Variants in SLC12A7 observed in about 807,000 individuals in gnomAD.
The protein encoded by SLC12A7 is solute carrier family 12 member 7.
A neutral mutation model predicts 120.6 loss-of-function variants in SLC12A7; 100 were observed. The observed-to-expected ratio is 0.83, with a 90% CI of 0.71 to 0.98. The LOEUF (loss-of-function observed/expected upper bound fraction) is 0.98. Ranked by LOEUF, SLC12A7 falls within the 50% of genes least tolerant of loss-of-function variation. The probability of loss-of-function intolerance (pLI) is 0.00; values close to 1 mark genes in which losing one functional copy is unlikely to be tolerated. For missense variants in SLC12A7, 1,373 were observed against 1,548.1 expected, an observed-to-expected ratio of 0.89 and a Z score of 1.90; for synonymous variants, 760 against 678.0, an observed-to-expected ratio of 1.12 and a Z score of -1.88.
Position 1,076,130 on chromosome 5 carries a change from G to T in SLC12A7, c.1847+8C>A, listed in dbSNP as rs11951420. The T allele has an allele frequency of 2.9e-5, 47 of 1,604,150 alleles. No homozygotes were observed. The South Asian group carries it at 5.2e-4, about 18-fold the overall frequency. On this transcript the variant is annotated splice_region_variant and intron_variant, in intron 14 of 23. Coordinates refer to ENST00000264930, the MANE Select transcript of SLC12A7 (RefSeq NM_006598.3). ...GGGGCTCCTCACGCCCGTGCTGAGT[G>T]GCCTCACCAGTGGTAGAACTTGAAG...
chr5:1,066,886 C>G (rs936973162), intron 17 of SLC12A7, among the ~76,000 whole-genome samples: 6 of 152,174 alleles, frequency 3.9e-5, no homozygotes, highest in Non-Finnish European at 1.5e-5. Flanking sequence ...AGAGAACAGA[C>G]GCCCTTTGCT....
chr5:1,088,078 C>T (rs543687137), intron 5 of SLC12A7, among the ~76,000 whole-genome samples: 296 of 152,290 alleles, frequency 1.9e-3, no homozygotes, highest in South Asian at 5.6e-3. Context: ...ACTGCCTACC[C>T]TGGCAAGAGA....
At chr5:1,106,451 C>CAAA (rs36005053) in intron 1 of SLC12A7, among the ~76,000 whole-genome samples, 5 of 81,832 alleles carry the variant, frequency 6.1e-5, no homozygotes, top group Non-Finnish European at 9.2e-5. Context: ...AACTCTGTCT[C>CAAA]AAAAAAAAAA....
the SLC12A7 span, among the ~76,000 whole-genome samples, chr5:1,130,898 T>C: frequency 2.5e-3 from 387 of 152,016 alleles, 1 homozygote; most frequent in African/African-American, 8.9e-3. Context: ...GCTCAGGGAG[T>C]AAGCCCTGGG....
the SLC12A7 span, among the ~76,000 whole-genome samples, chr5:1,117,162 G>A: frequency 2.3e-4 from 35 of 152,204 alleles, no homozygotes; most frequent in East Asian, 6.2e-3. The surrounding 1 kb of genome is among the most constrained non-coding windows in gnomAD (Gnocchi z 4.5). Context: ...AGCGTACTGC[G>A]AGGGGCCACT....
chr5:1,065,501 G>A, intron 17 of SLC12A7, 23 bp from the exon 18 acceptor site: 1 of 1,541,602 alleles, frequency 6.5e-7, no homozygotes, highest in Non-Finnish European at 8.8e-7. Context: ...GGACAGGTTG[G>A]TGCTACAGCA....
the SLC12A7 span, among the ~76,000 whole-genome samples, chr5:1,134,863 G>A: frequency 6.6e-6 from 1 of 152,196 alleles, no homozygotes; most frequent in Non-Finnish European, 1.5e-5. Context: ...GCCAGGCGCG[G>A]TGGCTCATCC....
At chr5:1,109,434 T>A (rs1742819468) in intron 1 of SLC12A7, among the ~76,000 whole-genome samples, 1 of 152,238 alleles carries the variant, frequency 6.6e-6, no homozygotes, top group Admixed American at 6.5e-5. Flanking sequence ...TAACACGTCC[T>A]TCTCATTTCA....
At chr5:1,075,607 A>G (rs917258712) in intron 14 of SLC12A7, 117 bp from the exon 15 acceptor site, 7 of 1,396,656 alleles carry the variant, frequency 5.0e-6, no homozygotes, top group Non-Finnish European at 1.9e-6. Flanking sequence ...CACTAGGAAA[A>G]CAGTCACTGA....
chr5:1,062,284 A>G (rs373208522), intron 20 of SLC12A7, among the ~76,000 whole-genome samples: 2 of 152,286 alleles, frequency 1.3e-5, no homozygotes, highest in South Asian at 2.1e-4. Flanking sequence ...TTTTGTTACT[A>G]TTTTACTAAG....
chr5:1,086,761 C>T, intron 6 of SLC12A7, 142 bp downstream of exon 6: 1 of 1,162,766 alleles, frequency 8.6e-7, no homozygotes, highest in South Asian at 1.5e-5. Flanking sequence ...TGGCCAGAGC[C>T]CAGGAGAGCC....
At chr5:1,152,807 G>C in the SLC12A7 span, among the ~76,000 whole-genome samples, 1 of 152,150 alleles carries the variant, frequency 6.6e-6, no homozygotes, top group Admixed American at 6.5e-5. Flanking sequence ...GAGGCCTGCG[G>C]GGATTACTGA....
chr5:1,131,060 A>C, the SLC12A7 span, among the ~76,000 whole-genome samples: 1 of 152,112 alleles, frequency 6.6e-6, no homozygotes, highest in Admixed American at 6.5e-5. Flanking sequence ...GGAGGGTAGC[A>C]AGGCCTGGAC....
chr5:1,085,720 G>A lies in SLC12A7; in HGVS notation c.676-247C>T, dbSNP rs1028370542. ...AGCGCACAGGCGAGGGACGGAGCCC[G>A]CGGGGGTCAGCGCACAGGCCATGGA... On this transcript the variant is annotated intron_variant, in intron 6 of 23. Transcript: ENST00000264930. Among the ~76,000 whole-genome samples the A allele has an allele frequency of 5.3e-5, 8 of 152,278 alleles. No individual in the cohort carries two copies. In the East Asian group the frequency reaches 7.7e-4, roughly 15 times the overall value.
chr5:1,154,773 C>CT, the SLC12A7 span, among the ~76,000 whole-genome samples: 33,547 of 152,152 alleles, frequency 0.22, 3,783 homozygotes, highest in East Asian at 0.27. Context: ...GCCCTTCTGC[C>CT]TGGGACCTGC....
chr5:1,127,298 C>G, the SLC12A7 span, among the ~76,000 whole-genome samples: 4 of 152,256 alleles, frequency 2.6e-5, no homozygotes, highest in African/African-American at 9.6e-5. Context: ...CAGGCGTGAG[C>G]CACCACGCCT....
chr5:1,104,200 GC>G (rs1439415784), intron 1 of SLC12A7, among the ~76,000 whole-genome samples: 1 of 152,184 alleles, frequency 6.6e-6, no homozygotes, highest in Non-Finnish European at 1.5e-5. Context: ...GAAAGCCCAG[GC>G]CCGACCCGCT....
chr5:1,064,354 AG>A (rs573972499), intron 18 of SLC12A7, 102 bp from the exon 19 acceptor site: 13 of 1,373,194 alleles, frequency 9.5e-6, no homozygotes, highest in Middle Eastern at 5.3e-4. Context: ...CGGCGAGGCG[AG>A]GGGGGTCCCC....
the SLC12A7 span, among the ~76,000 whole-genome samples, chr5:1,137,763 A>G: frequency 6.6e-6 from 1 of 152,190 alleles, no homozygotes; most frequent in African/African-American, 2.4e-5. Flanking sequence ...CTGCTCGCCC[A>G]GGTGCGTCAT....
Sources: allele counts gnomAD v4.1 joint callset (sites outside exome capture counted in the v4.1 genomes callset), GRCh38; gene constraint gnomAD v4.1.1; non-coding constraint Gnocchi (gnomAD v3.1); transcripts MANE v1.5; gene names NCBI Gene and HGNC (gene_info 2026-07-23, HGNC 2026-07-21).